Variants in QRFPR observed in about 807,000 individuals in gnomAD.
The protein encoded by QRFPR is pyroglutamylated RFamide peptide receptor, also known as pyroglutamylated RF-amide peptide receptor.
QRFPR carries 37 observed loss-of-function variants against 31.3 expected under a neutral mutation model. That is an observed-to-expected ratio of 1.18 (90% CI 0.91 to 1.56). The LOEUF (loss-of-function observed/expected upper bound fraction) is 1.56. Among genes scored for constraint, QRFPR ranks in the 40% most tolerant of loss-of-function variants. The pLI is 0.00. For missense variants in QRFPR, 542 were observed against 532.5 expected, an observed-to-expected ratio of 1.02 and a Z score of -0.18; for synonymous variants, 197 against 192.0, an observed-to-expected ratio of 1.03 and a Z score of -0.22.
chr4:121,333,976 T>A (rs1725386083), intron 3 of QRFPR, among the ~76,000 whole-genome samples: 1 of 152,188 alleles, frequency 6.6e-6, no homozygotes, highest in African/African-American at 2.4e-5. Context: ...TGGTTACTCA[T>A]CAAAGGTAAG....
intron 1 of QRFPR, among the ~76,000 whole-genome samples, chr4:121,375,825 G>C (rs1160109985): frequency 6.6e-6 from 1 of 152,118 alleles, no homozygotes; most frequent in African/African-American, 2.4e-5. Context: ...AAACAAAGAG[G>C]CAAAAAAAGA....
intron 1 of QRFPR, among the ~76,000 whole-genome samples, chr4:121,365,030 A>G (rs936106837): frequency 2.0e-5 from 3 of 149,802 alleles, no homozygotes; most frequent in African/African-American, 4.9e-5. Flanking sequence ...CATGAGACCT[A>G]CTAGTTACTG....
chr4:121,380,196 A>AGAGAGAGG (rs1560749186), intron 1 of QRFPR, 112 bp downstream of exon 1: 164 of 120,722 alleles, frequency 1.4e-3, no homozygotes, highest in Middle Eastern at 6.2e-3. Context: ...GGAGAGAGAG[A>AGAGAGAGG]GAGAGAGAGA....
At chr4:121,368,702 C>T (rs1726172743) in intron 1 of QRFPR, among the ~76,000 whole-genome samples, 1 of 137,178 alleles carries the variant, frequency 7.3e-6, no homozygotes, top group Non-Finnish European at 1.6e-5. Flanking sequence ...TCAACAGGGC[C>T]AGAGTCGTCT....
At chr4:121,348,591 A>C (rs1021935489) in intron 1 of QRFPR, among the ~76,000 whole-genome samples, 4 of 151,950 alleles carry the variant, frequency 2.6e-5, no homozygotes, top group Non-Finnish European at 4.4e-5. Context: ...TATTTTACCT[A>C]TATTTTGCAT....
intron 1 of QRFPR, chr4:121,370,093 G>A (rs1726204935): frequency 1.3e-6 from 1 of 771,390 alleles, no homozygotes; most frequent in Non-Finnish European, 2.4e-6. Context: ...AATGGCCGAT[G>A]ACAGGGACTG....
chr4:121,380,221 G>A (rs1726456091), intron 1 of QRFPR, 87 bp downstream of exon 1: 5 of 823,186 alleles, frequency 6.1e-6, no homozygotes, highest in Non-Finnish European at 9.6e-6. Context: ...GAGAGAGAGA[G>A]AGAGAGAGAG....
intron 1 of QRFPR, among the ~76,000 whole-genome samples, chr4:121,352,746 C>T (rs937990405): frequency 9.2e-5 from 14 of 152,028 alleles, no homozygotes; most frequent in African/African-American, 2.9e-4. Flanking sequence ...CCACTCTTTT[C>T]GTTATTTTAA....
chr4:121,352,769 A>G (rs1269230785), intron 1 of QRFPR, among the ~76,000 whole-genome samples: 8 of 152,194 alleles, frequency 5.3e-5, no homozygotes, highest in Non-Finnish European at 1.0e-4. Context: ...TATACAATAA[A>G]TTATTGTTAA....
chr4:121,377,532 C>T (rs1219202673), intron 1 of QRFPR, among the ~76,000 whole-genome samples: 1 of 151,824 alleles, frequency 6.6e-6, no homozygotes, highest in African/African-American at 2.4e-5. Context: ...ACACCATCTT[C>T]TTTCTTCCCT....
intron 1 of QRFPR, among the ~76,000 whole-genome samples, chr4:121,374,732 T>C (rs993674903): frequency 3.3e-5 from 5 of 152,234 alleles, no homozygotes; most frequent in Admixed American, 2.6e-4. Context: ...GGAATTCTCA[T>C]ATCAGCTGCT....
At chr4:121,341,288 G>A (rs542672979) in intron 1 of QRFPR, among the ~76,000 whole-genome samples, 12 of 152,224 alleles carry the variant, frequency 7.9e-5, no homozygotes, top group South Asian at 4.2e-4. Flanking sequence ...TGTGAGTCTT[G>A]GTCTGGCACC....
At chr4:121,333,487 A>T (rs145573947) in intron 3 of QRFPR, among the ~76,000 whole-genome samples, 6 of 152,346 alleles carry the variant, frequency 3.9e-5, no homozygotes, top group African/African-American at 1.2e-4. Context: ...ACAAGGCATG[A>T]GACATCTTTC....
At chr4:121,329,777 T>A in intron 5 of QRFPR, 63 bp from the exon 6 acceptor site, 1 of 1,170,588 alleles carries the variant, frequency 8.5e-7, no homozygotes, top group Non-Finnish European at 1.2e-6. Flanking sequence ...AAAACTTCTG[T>A]TTGTCACCTG....
At chr4:121,351,131 C>T (rs1257283681) in intron 1 of QRFPR, among the ~76,000 whole-genome samples, 1 of 152,168 alleles carries the variant, frequency 6.6e-6, no homozygotes, top group Non-Finnish European at 1.5e-5. Flanking sequence ...GTCTGACAAT[C>T]CTTGGTTGTC....
intron 4 of QRFPR, 78 bp downstream of exon 4, chr4:121,332,743 T>A: frequency 7.3e-6 from 8 of 1,101,408 alleles, no homozygotes; most frequent in Non-Finnish European, 9.3e-6. Flanking sequence ...CTAGAGGTTC[T>A]GAGAGCCCTG....
intron 1 of QRFPR, among the ~76,000 whole-genome samples, chr4:121,371,298 T>A (rs1726240905): frequency 6.6e-6 from 1 of 152,258 alleles, no homozygotes; most frequent in Admixed American, 6.5e-5. Flanking sequence ...TACTTCGGAA[T>A]TCATCCTTAA....
chr4:121,372,887 T>TG (rs1406708512), intron 1 of QRFPR, among the ~76,000 whole-genome samples: 2 of 152,186 alleles, frequency 1.3e-5, no homozygotes, highest in African/African-American at 4.8e-5. Context: ...TTATAGCTCC[T>TG]GGGGTCATCT....
chr4:121,331,190 T>G (rs972625405), intron 4 of QRFPR, among the ~76,000 whole-genome samples: 8 of 140,492 alleles, frequency 5.7e-5, no homozygotes, highest in South Asian at 2.4e-4. Flanking sequence ...TTTTTTTTTT[T>G]TTTTTTTTTT....
Sources: allele counts gnomAD v4.1 joint callset (sites outside exome capture counted in the v4.1 genomes callset), GRCh38; gene constraint gnomAD v4.1.1; transcripts MANE v1.5; gene names NCBI Gene and HGNC (gene_info 2026-07-23, HGNC 2026-07-21).